PRKN: variants seen among roughly 807,000 people sequenced by gnomAD.
PRKN encodes the protein parkin RBR E3 ubiquitin protein ligase.
PRKN carries 56 observed loss-of-function variants against 59.5 expected under a neutral mutation model. The observed-to-expected ratio is 0.94, with a 90% confidence interval of 0.76 to 1.18. The LOEUF is 1.18. PRKN is among the 50% of genes most tolerant of loss of function. The probability of loss-of-function intolerance (pLI) is 0.00; values close to 1 mark genes in which losing one functional copy is unlikely to be tolerated. For synonymous variants in PRKN, 250 were observed against 222.1 expected (o/e 1.13, Z -1.12); for missense variants, 657 against 596.4 (o/e 1.10, Z -1.06).
intron 6 of PRKN, among the ~76,000 whole-genome samples, chr6:161,971,343 CA>C (rs1198349099): frequency 6.6e-6 from 1 of 152,110 alleles, no homozygotes; most frequent in Non-Finnish European, 1.5e-5. Context: ...TCATGTTTAC[CA>C]ACCTTAATGG....
Position 162,235,973 on chromosome 6 carries a change from G to GA in PRKN, c.412+26551dup, listed in dbSNP as rs1338266487. On this transcript the variant is annotated intron_variant, in intron 3 of 11. Transcript: ENST00000366898. ...AGGAAGAAAGGAAGAAAGAAAGAAA[G>GA]AAAGAAAGAAAGAAAGAAAGAAAGA... Among the ~76,000 whole-genome samples the GA allele has an allele frequency of 1.0e-4, 10 of 96,016 alleles. No homozygotes were observed. The South Asian group carries it at 2.2e-3, about 21-fold the overall frequency. 63.0% of individuals were successfully genotyped at this position (96,016 alleles called of 152,430 possible).
intron 6 of PRKN, among the ~76,000 whole-genome samples, chr6:161,874,171 AATATATATT>A (rs1794507146): frequency 3.5e-5 from 2 of 56,650 alleles, no homozygotes; most frequent in Non-Finnish European, 2.8e-5. Context: ...TATAATATAT[AATATATATT>A]ATATATAATA....
At chr6:161,517,084 T>A (rs541824795) in intron 9 of PRKN, among the ~76,000 whole-genome samples, 1 of 152,280 alleles carries the variant, frequency 6.6e-6, no homozygotes, top group South Asian at 2.1e-4. Flanking sequence ...ACAGGTTTTG[T>A]AATTGCCTTG....
intron 2 of PRKN, among the ~76,000 whole-genome samples, chr6:162,386,191 A>G (rs1786796805): frequency 6.6e-6 from 1 of 152,214 alleles, no homozygotes; most frequent in Non-Finnish European, 1.5e-5. Flanking sequence ...GAAAATGCTG[A>G]GAGACTGGAT....
chr6:161,845,175 C>T (rs1351284551), intron 6 of PRKN, among the ~76,000 whole-genome samples: 1 of 152,192 alleles, frequency 6.6e-6, no homozygotes, highest in African/African-American at 2.4e-5. Flanking sequence ...AGCTGCTCAA[C>T]CAGTGGACCA....
intron 4 of PRKN, among the ~76,000 whole-genome samples, chr6:162,069,681 A>T (rs1778492493): frequency 6.6e-6 from 1 of 152,212 alleles, no homozygotes; most frequent in South Asian, 2.1e-4. Context: ...AGTTTACAGA[A>T]GTTAATTCTG....
chr6:162,611,143 A>G (rs1209995765), intron 1 of PRKN, among the ~76,000 whole-genome samples: 2 of 152,218 alleles, frequency 1.3e-5, no homozygotes, highest in Non-Finnish European at 2.9e-5. Flanking sequence ...AAGTAAATAA[A>G]TATTAAAGAC....
At chr6:162,595,326 G>A (rs1781460473) in intron 1 of PRKN, among the ~76,000 whole-genome samples, 1 of 151,134 alleles carries the variant, frequency 6.6e-6, no homozygotes. Flanking sequence ...TGCAATCTTG[G>A]CTCACTGCAA....
chr6:162,258,731 A>G (rs772224465), intron 3 of PRKN, among the ~76,000 whole-genome samples: 1 of 152,086 alleles, frequency 6.6e-6, no homozygotes, highest in African/African-American at 2.4e-5. Context: ...TCCTCAGGTG[A>G]TTCTGATGAG....
intron 1 of PRKN, among the ~76,000 whole-genome samples, chr6:162,699,071 C>T (rs1670065669): frequency 6.6e-6 from 1 of 152,154 alleles, no homozygotes; most frequent in South Asian, 2.1e-4. Flanking sequence ...ATAGCTGGTA[C>T]TGGCTTTATA....
intron 1 of PRKN, among the ~76,000 whole-genome samples, chr6:162,705,290 G>C (rs1388324140): frequency 6.6e-6 from 1 of 152,094 alleles, no homozygotes; most frequent in Non-Finnish European, 1.5e-5. Flanking sequence ...GAAGAACACT[G>C]TTTTAGAAGC....
At chr6:162,103,839 G>A (rs902975141) in intron 4 of PRKN, among the ~76,000 whole-genome samples, 1 of 152,164 alleles carries the variant, frequency 6.6e-6, no homozygotes, top group African/African-American at 2.4e-5. Flanking sequence ...TCTGCCAGCT[G>A]CCTCCTCTTC....
chr6:162,554,309 G>A (rs1447888611), intron 1 of PRKN, among the ~76,000 whole-genome samples: 2 of 152,040 alleles, frequency 1.3e-5, no homozygotes, highest in Non-Finnish European at 2.9e-5. Context: ...TTCATGACCA[G>A]CCTGACCAAC....
intron 1 of PRKN, among the ~76,000 whole-genome samples, chr6:162,559,339 A>T (rs1779743063): frequency 6.6e-6 from 1 of 152,122 alleles, no homozygotes; most frequent in Non-Finnish European, 1.5e-5. Flanking sequence ...TCAAAACCTT[A>T]AAAACCACAT....
At chr6:162,035,192 G>A (rs1783793739) in intron 5 of PRKN, among the ~76,000 whole-genome samples, 1 of 151,706 alleles carries the variant, frequency 6.6e-6, no homozygotes, top group African/African-American at 2.4e-5. Flanking sequence ...GAGAGGCTAG[G>A]CTCTTTTTAA....
intron 4 of PRKN, among the ~76,000 whole-genome samples, chr6:162,087,099 C>T (rs1340103145): frequency 1.3e-5 from 2 of 152,190 alleles, no homozygotes; most frequent in Non-Finnish European, 2.9e-5. Flanking sequence ...GTCCAGTGCT[C>T]AGGTCATCAC....
At position 161,484,478 on chromosome 6, in the gene PRKN, C is replaced by T. The variant is rs1370795582; in HGVS notation, c.1083+64376G>A. Among the ~76,000 whole-genome samples, 2 of 152,168 alleles carry T rather than the reference C, an allele frequency of 1.3e-5. No homozygotes were observed. Among genetic ancestry groups the T allele is most frequent in the East Asian group, 3.8e-4 (2 of 5,196 alleles). On this transcript the variant is annotated intron_variant, in intron 9 of 11. Transcript: ENST00000366898. The surrounding 1 kb of genome is among the most constrained non-coding windows in gnomAD (Gnocchi z 4.9). ...GTGCTTAGTAAGCATCGATTAGTTTCATTTTTACAACCATCTTTGCCCTGT... is the reference window on the plus strand; with the variant it reads ...GTGCTTAGTAAGCATCGATTAGTTTTATTTTTACAACCATCTTTGCCCTGT...
intron 1 of PRKN, among the ~76,000 whole-genome samples, chr6:162,642,142 T>A (rs1274020713): frequency 6.6e-6 from 1 of 152,164 alleles, no homozygotes; most frequent in African/African-American, 2.4e-5. Flanking sequence ...CAACTTCTAT[T>A]TCATAGACAA....
intron 6 of PRKN, among the ~76,000 whole-genome samples, chr6:161,965,925 T>C (rs539425040): frequency 6.6e-6 from 1 of 152,160 alleles, no homozygotes; most frequent in Non-Finnish European, 1.5e-5. Context: ...CCTATTCAGA[T>C]CTTTAAAAAG....
Sources: allele counts gnomAD v4.1 joint callset (sites outside exome capture counted in the v4.1 genomes callset), GRCh38; gene constraint gnomAD v4.1.1; non-coding constraint Gnocchi (gnomAD v3.1); transcripts MANE v1.5; gene names NCBI Gene and HGNC (gene_info 2026-07-23, HGNC 2026-07-21).